SLC16A6: variants seen among roughly 807,000 people sequenced by gnomAD.
SLC16A6 encodes the protein monocarboxylate transporter 7.
A neutral mutation model predicts 33.8 loss-of-function variants in SLC16A6; 15 were observed. The observed-to-expected ratio is 0.44, with a 90% CI of 0.30 to 0.68. The LOEUF is 0.68. Among genes scored for constraint, SLC16A6 ranks in the 30% least tolerant of loss-of-function variants. The pLI is 0.10. For synonymous variants in SLC16A6, 219 were observed against 248.4 expected, an observed-to-expected ratio of 0.88 and a Z score of 1.11; for missense variants, 451 against 661.5, an observed-to-expected ratio of 0.68 and a Z score of 3.49.
At chr17:68,273,456 C>T (rs1005868938) in intron 3 of SLC16A6, among the ~76,000 whole-genome samples, 54 of 152,002 alleles carry the variant, frequency 3.6e-4, no homozygotes, top group Admixed American at 7.9e-4. Flanking sequence ...GCTGGGCTCA[C>T]GTGATCCTCC....
chr17:68,273,400 T>C (rs2075407152), intron 3 of SLC16A6, among the ~76,000 whole-genome samples: 1 of 152,082 alleles, frequency 6.6e-6, no homozygotes, highest in Non-Finnish European at 1.5e-5. Flanking sequence ...TTTTTATTTT[T>C]TGTAGAGATG....
In SLC16A6 at chr17:68,271,381, T is replaced by G; in HGVS notation, c.779A>C (p.Glu260Ala). ...GACCTGCTGCATGTCGGCCTTCGGC[T>G]CCAGTTCCAGGTTAGTGTGAGTAGG... ...NVPTHTNLELEPKADMQQVLV... is the reference protein window; with the variant it reads ...NVPTHTNLELAPKADMQQVLV... The change falls in exon 5 of 6, where the codon GAG becomes GCG. Residue 260 changes from glutamate (E) to alanine (A), a missense_variant. Physicochemically the swap from Glu to Ala is moderately radical, Grantham distance 107 (BLOSUM62 -1). Coordinates refer to ENST00000580666, the MANE Select transcript of SLC16A6 (RefSeq NM_004694.5). This position sits in a 1 kb window ranked among gnomAD's most constrained non-coding sequence, Gnocchi z 5.3. 1 of 1,614,256 alleles carries G rather than the reference T, an allele frequency of 6.2e-7. No individual in the cohort carries two copies. The highest frequency in any genetic ancestry group is 1.1e-5 in the South Asian group (1 of 91,088).
At chr17:68,283,751 G>A (rs956849452) in intron 1 of SLC16A6, among the ~76,000 whole-genome samples, 2 of 151,798 alleles carry the variant, frequency 1.3e-5, no homozygotes, top group African/African-American at 4.8e-5. Context: ...GGTGGCGCAC[G>A]CCTGTAATCC....
chr17:68,284,385 C>T lies in SLC16A6; in HGVS notation c.-7-6058G>A, dbSNP rs571844499. ...CTCCAGTCTGGGTGACAGAGCAAGACTCTGTCTAAAATAAATAAATAAAAT... is the reference window on the plus strand; with the variant it reads ...CTCCAGTCTGGGTGACAGAGCAAGATTCTGTCTAAAATAAATAAATAAAAT... On this transcript the variant is annotated intron_variant, in intron 1 of 5. Transcript: ENST00000580666. 4.6e-5 allele frequency among the ~76,000 whole-genome samples: 7 copies of T among 152,186 alleles called. No homozygotes were observed. In the South Asian group the frequency reaches 1.5e-3, roughly 32 times the overall value.
At chr17:68,273,746 G>A (rs2075418834) in intron 3 of SLC16A6, 181 bp downstream of exon 3, 5 of 595,772 alleles carry the variant, frequency 8.4e-6, no homozygotes, top group Non-Finnish European at 1.4e-5. Flanking sequence ...CTTGAGAACA[G>A]ATTCCCAGGT....
chr17:68,273,343 G>C (rs2075404867), intron 3 of SLC16A6, among the ~76,000 whole-genome samples: 1 of 152,008 alleles, frequency 6.6e-6, no homozygotes, highest in African/African-American at 2.4e-5. Flanking sequence ...AAAGTGATAG[G>C]ATGGTTACAG....
At chr17:68,269,714 C>T (rs1298387090) in intron 5 of SLC16A6, among the ~76,000 whole-genome samples, 1 of 53,056 alleles carries the variant, frequency 1.9e-5, no homozygotes, top group East Asian at 7.0e-4. Context: ...ATTCTTGTTG[C>T]CCCAGGTGGA....
intron 2 of SLC16A6, 41 bp from the exon 3 acceptor site, chr17:68,274,111 C>A (rs1555750146): frequency 1.3e-6 from 2 of 1,597,702 alleles, no homozygotes; most frequent in South Asian, 2.2e-5. Flanking sequence ...CTCACAGAGG[C>A]TTCAGGGTTA....
chr17:68,271,085 T>C lies in SLC16A6; in HGVS notation c.1075A>G (p.Ile359Val). Residue 359 changes from isoleucine to valine, a missense_variant, in exon 5 of 6, where the codon ATT (isoleucine) becomes GTT (valine). Transcript: ENST00000580666. This position sits in a 1 kb window ranked among gnomAD's most constrained non-coding sequence, Gnocchi z 5.3. ...ATGACGCAGATGAGCTCAATGTAAA[T>C]CTTACGAATGGGCTCCCTGTTGAGG... ...FVLNREPIRK[I>V]YIELICVILL... The C allele has an allele frequency of 6.2e-7, 1 of 1,614,112 alleles. No homozygotes were observed. The highest frequency in any genetic ancestry group is 8.5e-7 in the Non-Finnish European group (1 of 1,180,024).
At chr17:68,288,930 AT>A (rs1568421345) in intron 1 of SLC16A6, among the ~76,000 whole-genome samples, 2 of 152,294 alleles carry the variant, frequency 1.3e-5, no homozygotes, top group East Asian at 3.9e-4. Flanking sequence ...ACAATTCTGA[AT>A]GGGGGTTCCC....
chr17:68,281,382 C>A (rs1276033453), intron 1 of SLC16A6, among the ~76,000 whole-genome samples: 5 of 151,980 alleles, frequency 3.3e-5, no homozygotes, highest in African/African-American at 1.2e-4. Context: ...TCCTGGCCAA[C>A]ATAGTGAAAT....
At chr17:68,289,920 T>A (rs781901795) in intron 1 of SLC16A6, among the ~76,000 whole-genome samples, 1 of 152,194 alleles carries the variant, frequency 6.6e-6, no homozygotes, top group Non-Finnish European at 1.5e-5. Context: ...CTTCCCTTAA[T>A]TATGAGAAGA....
At chr17:68,282,371 A>C (rs2075720995) in intron 1 of SLC16A6, among the ~76,000 whole-genome samples, 1 of 151,852 alleles carries the variant, frequency 6.6e-6, no homozygotes, top group African/African-American at 2.4e-5. Context: ...GGGAAGGGGG[A>C]GGGATAGCAT....
chr17:68,277,143 T>C (rs2075549107), intron 2 of SLC16A6, among the ~76,000 whole-genome samples: 1 of 152,018 alleles, frequency 6.6e-6, no homozygotes, highest in African/African-American at 2.4e-5. Context: ...ATTATTATTA[T>C]TATTTTGAGA....
At chr17:68,290,716 C>A (rs782036648) in intron 1 of SLC16A6, among the ~76,000 whole-genome samples, 2 of 152,228 alleles carry the variant, frequency 1.3e-5, no homozygotes, top group Non-Finnish European at 1.5e-5. Flanking sequence ...CAACTTCATG[C>A]GGAAAATCCG....
chr17:68,278,480 T>C, intron 1 of SLC16A6, 153 bp from the exon 2 acceptor site: 1 of 600,904 alleles, frequency 1.7e-6, no homozygotes, highest in Admixed American at 3.0e-5. Context: ...GATGGAGTCT[T>C]GCTCTGTCAT....
In SLC16A6 at chr17:68,271,002, C is replaced by T; in HGVS notation, c.1158G>A (p.Met386Ile). 1.2e-6 allele frequency: 2 copies of T among 1,614,136 alleles called. No homozygotes were observed. The highest frequency in any genetic ancestry group is 2.7e-5 in the African/African-American group (2 of 75,014). The change falls in exon 5 of 6, where the codon ATG becomes ATA. Residue 386 changes from methionine (M) to isoleucine (I), a missense_variant. By Grantham distance (10) the Met-to-Ile change is conservative. Transcript: ENST00000580666. This position sits in a 1 kb window ranked among gnomAD's most constrained non-coding sequence, Gnocchi z 5.3. ...FTFATEFWGL[M>I]SCSIFFGFMV... ...TAAACCCAAAAAATATGCTGCATGA[C>T]ATTAGACCCCAGAATTCAGTAGCAA...
chr17:68,279,761 C>T (rs2075633931), intron 1 of SLC16A6, among the ~76,000 whole-genome samples: 1 of 152,148 alleles, frequency 6.6e-6, no homozygotes, highest in Non-Finnish European at 1.5e-5. Flanking sequence ...TTTTTCAAAG[C>T]CTCTGTAATT....
In SLC16A6 at chr17:68,271,705, C is replaced by A; in HGVS notation, c.506-51G>T. On this transcript the variant is annotated intron_variant, in intron 4 of 5. Coordinates refer to ENST00000580666, the MANE Select transcript of SLC16A6 (RefSeq NM_004694.5). The surrounding 1 kb of genome is among the most constrained non-coding windows in gnomAD (Gnocchi z 5.3). ...AATAATATAAGGTCAATAATGGACT[C>A]AAGACCCAGGAGAAGCCATCAAGAA... 1.4e-6 allele frequency: 2 copies of A among 1,453,500 alleles called. No homozygotes were observed. Among genetic ancestry groups the A allele is most frequent in the Non-Finnish European group, 1.9e-6 (2 of 1,062,296 alleles). 90.0% of individuals were successfully genotyped at this position (1,453,500 alleles called of 1,614,324 possible). A position where few individuals can be genotyped will look rare whatever the true frequency, so the allele number is the denominator to read the frequency against.
Sources: allele counts gnomAD v4.1 joint callset (sites outside exome capture counted in the v4.1 genomes callset), GRCh38; gene constraint gnomAD v4.1.1; non-coding constraint Gnocchi (gnomAD v3.1); transcripts MANE v1.5; gene names NCBI Gene and HGNC (gene_info 2026-07-23, HGNC 2026-07-21).